MMACHC: variants seen among roughly 807,000 people sequenced by gnomAD.
MMACHC encodes metabolism of cobalamin associated C, also known as cyanocobalamin reductase / alkylcobalamin dealkylase.
In MMACHC, 14 loss-of-function variants were observed where a neutral mutation model predicts 17.6. The ratio of observed to expected loss-of-function variants is 0.80; its 90% confidence interval spans 0.53 to 1.25. The LOEUF is 1.25. Ranked by LOEUF, MMACHC falls within the 50% of genes most tolerant of loss-of-function variation. The pLI is 0.00. For missense variants in MMACHC, 392 were observed against 364.5 expected (o/e 1.08, Z -0.62); for synonymous variants, 151 against 142.1 (o/e 1.06, Z -0.45).
rs983519904 is a variant in MMACHC, at chr1:45,511,735, A to G, written c.*2520A>G. ...GGGAAAAAAAAGCTAAATAAACGAC[A>G]CACATAGGACTATGTAAACCCTTAA... On this transcript the variant is annotated 3_prime_UTR_variant, in exon 4 of 4. Coordinates refer to ENST00000401061, the MANE Select transcript of MMACHC (RefSeq NM_015506.3). The G allele has an allele frequency of 4.8e-6, 1 of 207,448 alleles. No individual in the cohort carries two copies. Among genetic ancestry groups the G allele is most frequent in the African/African-American group, 2.3e-5 (1 of 43,116 alleles). The allele number at this position is 207,448 out of a possible 1,614,324, so 12.9% of individuals were successfully genotyped here.
chr1:45,508,357 G>T lies in MMACHC; in HGVS notation c.422G>T (p.Gly141Val). 6.2e-7 allele frequency: 1 copy of T among 1,614,174 alleles called. No individual in the cohort carries two copies. The highest frequency in any genetic ancestry group is 8.5e-7 in the Non-Finnish European group (1 of 1,180,042). Reference protein sequence around the residue: ...QRQDVEADPWGNQRISGVCIH... With the variant: ...QRQDVEADPWVNQRISGVCIH... ...CAAGATGTGGAGGCTGACCCATGGG[G>T]GAACCAGGTGAGAGGGAAAATGTAA... Residue 141 changes from glycine (G) to valine (V), a missense_variant, in exon 3 of 4, where the codon GGG becomes GTG. Coordinates refer to ENST00000401061, the MANE Select transcript of MMACHC (RefSeq NM_015506.3).
At chr1:45,501,701 G>A (rs1005587567) in intron 1 of MMACHC, among the ~76,000 whole-genome samples, 8 of 152,124 alleles carry the variant, frequency 5.3e-5, no homozygotes, top group East Asian at 1.9e-4. Context: ...TTGAGACACC[G>A]TTTCAGTGGA....
intron 1 of MMACHC, among the ~76,000 whole-genome samples, chr1:45,502,183 C>G (rs957712588): frequency 2.6e-5 from 4 of 152,188 alleles, no homozygotes; most frequent in African/African-American, 9.7e-5. Flanking sequence ...CCTCTACAGA[C>G]CCTTCACTTC....
chr1:45,509,264 ATTGGCT>A lies in MMACHC; in HGVS notation c.*55_*60del. ...TTATGGTGGTACTTGCTAGGACTTA[ATTGGCT>A]TTGGCAAAGCAAAAGGTTTTGAGTA... On this transcript the variant is annotated 3_prime_UTR_variant, in exon 4 of 4. Coordinates refer to ENST00000401061, the MANE Select transcript of MMACHC (RefSeq NM_015506.3). 1 of 1,610,070 alleles carries A rather than the reference ATTGGCT, an allele frequency of 6.2e-7. No individual in the cohort carries two copies. Among genetic ancestry groups the A allele is most frequent in the Non-Finnish European group, 8.5e-7 (1 of 1,176,726 alleles).
intron 2 of MMACHC, among the ~76,000 whole-genome samples, chr1:45,507,957 G>A (rs1419650614): frequency 6.6e-6 from 1 of 152,146 alleles, no homozygotes; most frequent in Non-Finnish European, 1.5e-5. Flanking sequence ...ACATAACTAT[G>A]TACATACCCA....
At chr1:45,501,235 G>A (rs1335228616) in intron 1 of MMACHC, among the ~76,000 whole-genome samples, 1 of 152,144 alleles carries the variant, frequency 6.6e-6, no homozygotes, top group Non-Finnish European at 1.5e-5. Context: ...CACTTGCCTG[G>A]CACAGCAGTC....
chr1:45,509,319 T>C lies in MMACHC; in HGVS notation c.*104T>C, dbSNP rs1287861165. Reference sequence around the variant, plus strand: ...TACAAGATTACTATTTTTGATAATATAGTAGAGATCTTCCATGAAGATAAC... The same window carrying C: ...TACAAGATTACTATTTTTGATAATACAGTAGAGATCTTCCATGAAGATAAC... On this transcript the variant is annotated 3_prime_UTR_variant, in exon 4 of 4. Coordinates refer to ENST00000401061, the MANE Select transcript of MMACHC (RefSeq NM_015506.3). 8 of 1,347,956 alleles carry C rather than the reference T, an allele frequency of 5.9e-6. No homozygotes were observed. Among genetic ancestry groups the C allele is most frequent in the South Asian group, 2.4e-5 (2 of 82,420 alleles). The allele number at this position is 1,347,956 out of a possible 1,614,324, so 83.5% of individuals were successfully genotyped here.
At position 45,509,179 on chromosome 1, in the gene MMACHC, C is replaced by T. The variant is rs1311947307; in HGVS notation, c.813C>T (p.Ser271=). 20 of 1,614,048 alleles carry T rather than the reference C, an allele frequency of 1.2e-5. No individual in the cohort carries two copies. Among genetic ancestry groups the T allele is most frequent in the Non-Finnish European group, 1.7e-5 (20 of 1,180,006 alleles). ...CCAGCAGAGCCCGGAGCTGGCTCAG[C>T]CCCAGGGTCTCACCACCTGCATCCC... The part of the protein sequence containing the change: ...GNPSRARSWL[S]PRVSPPASPG... Residue 271 remains serine, a synonymous_variant, in exon 4 of 4, where the codon AGC becomes AGT. Coordinates refer to ENST00000401061, the MANE Select transcript of MMACHC (RefSeq NM_015506.3).
intron 1 of MMACHC, among the ~76,000 whole-genome samples, chr1:45,501,132 C>T (rs1245760354): frequency 6.6e-6 from 1 of 152,144 alleles, no homozygotes; most frequent in Non-Finnish European, 1.5e-5. Context: ...GATGAACAGG[C>T]AAACAATTGG....
Position 45,510,076 on chromosome 1 carries a change from C to G in MMACHC, c.*861C>G, listed in dbSNP as rs150301205. 1.9e-5 allele frequency: 2 copies of G among 103,650 alleles called. No homozygotes were observed. The highest frequency in any genetic ancestry group is 4.2e-5 in the Non-Finnish European group (2 of 47,110). The allele number at this position is 103,650 out of a possible 1,614,324, so 6.4% of individuals were successfully genotyped here. ...TGGGTGACAGTGTGAGACTCTGTCT[C>G]AAAAAAAAAAAAAAAAGTACCTACC... On this transcript the variant is annotated 3_prime_UTR_variant, in exon 4 of 4. Coordinates refer to ENST00000401061, the MANE Select transcript of MMACHC (RefSeq NM_015506.3).
In MMACHC at chr1:45,508,925, G is replaced by C; in HGVS notation, c.559G>C (p.Ala187Pro). 6.2e-7 allele frequency: 1 copy of C among 1,614,200 alleles called. No homozygotes were observed. Residue 187 changes from alanine (A) to proline (P), a missense_variant, in exon 4 of 4, where the codon GCT becomes CCT. Physicochemically the swap from Ala to Pro is conservative, Grantham distance 27 (BLOSUM62 -1). Coordinates refer to ENST00000401061, the MANE Select transcript of MMACHC (RefSeq NM_015506.3). ...RKPHDCVPTR[A>P]DRIALLEGFN... ...ACCTCATGACTGTGTACCTACAAGA[G>C]CTGACCGTATCGCCCTACTCGAAGG... is the stretch of plus-strand genomic sequence containing the variant.
intron 2 of MMACHC, 144 bp from the exon 3 acceptor site, chr1:45,508,068 A>G (rs975886766): frequency 4.0e-6 from 4 of 995,152 alleles, no homozygotes; most frequent in Non-Finnish European, 3.1e-6. Context: ...CTATGTCCAC[A>G]CTGGAGCCTC....
Position 45,512,801 on chromosome 1 carries a change from G to A in MMACHC, c.*3586G>A, listed in dbSNP as rs1247866061. 2 of 152,232 alleles carry A rather than the reference G, an allele frequency of 1.3e-5. No individual in the cohort carries two copies. The highest frequency in any genetic ancestry group is 2.4e-5 in the African/African-American group (1 of 41,418). The allele number at this position is 152,232 out of a possible 1,614,324, so 9.4% of individuals were successfully genotyped here. On this transcript the variant is annotated 3_prime_UTR_variant, in exon 4 of 4. Coordinates refer to ENST00000401061, the MANE Select transcript of MMACHC (RefSeq NM_015506.3). Reference sequence around the variant, plus strand: ...GGCAGTCTCAGCAGGTGTCAGCTGAGCCATGTGTCATCTGTCCAGGCTAAC... The same window carrying A: ...GGCAGTCTCAGCAGGTGTCAGCTGAACCATGTGTCATCTGTCCAGGCTAAC...
At position 45,512,260 on chromosome 1, in the gene MMACHC, G is replaced by A. The variant is rs781559215; in HGVS notation, c.*3045G>A. Reference sequence around the variant, plus strand: ...ACCACCACACCTGGCTAATTTTTGAGACAGTCTCACATTGTCGCCCAGGCT... The same window carrying A: ...ACCACCACACCTGGCTAATTTTTGAAACAGTCTCACATTGTCGCCCAGGCT... On this transcript the variant is annotated 3_prime_UTR_variant, in exon 4 of 4. Transcript: ENST00000401061. 1 of 150,178 alleles carries A rather than the reference G, an allele frequency of 6.7e-6. No homozygotes were observed. Among genetic ancestry groups the A allele is most frequent in the African/African-American group, 2.4e-5 (1 of 40,982 alleles). 9.3% of individuals were successfully genotyped at this position (150,178 alleles called of 1,614,324 possible).
At chr1:45,500,553 G>T (rs1306116833) in intron 1 of MMACHC, 140 bp downstream of exon 1, 1 of 840,720 alleles carries the variant, frequency 1.2e-6, no homozygotes, top group African/African-American at 1.7e-5. Flanking sequence ...GAGTTTCAGT[G>T]GGGGCTTGGG....
chr1:45,501,296 G>C lies in MMACHC; in HGVS notation c.81+883G>C, dbSNP rs149872051. Among the ~76,000 whole-genome samples the C allele has an allele frequency of 2.9e-4, 44 of 152,282 alleles. 1 individual carries two copies. In the Middle Eastern group the frequency reaches 0.034, roughly 118 times the overall value. On this transcript the variant is annotated intron_variant, in intron 1 of 3. Transcript: ENST00000401061. The stretch of plus-strand genomic sequence containing the variant: ...TACACGGTTACATTTCCCCACATCA[G>C]TGCCCTGTGCACTGAGCAGTTAAGT...
In MMACHC at chr1:45,507,414, C is replaced by A. The variant is rs200920274; in HGVS notation, c.140C>A (p.Thr47Asn). The change falls in exon 2 of 4, where the codon ACC (threonine) becomes AAC (asparagine). Residue 47 changes from threonine to asparagine, a missense_variant. By Grantham distance (65) the Thr-to-Asn change is moderately conservative. Transcript: ENST00000401061. ...PAFHLPLPGP[T>N]LAFLVLSTPA... is the part of the protein sequence containing the mutation. ...TTCCACCTACCGCTGCCAGGACCTA[C>A]CCTGGCCTTCCTGGTACTCAGCACG... 1.6e-4 allele frequency: 266 copies of A among 1,614,058 alleles called. No homozygotes were observed. The highest frequency in any genetic ancestry group is 2.2e-4 in the Non-Finnish European group (261 of 1,180,036).
Position 45,500,822 on chromosome 1 carries a change from C to T in MMACHC, c.81+409C>T, listed in dbSNP as rs1400225487. ...GAGGTTGCAGTGAGCCGAGATTGCGCCATTGCAGTCCAGCCTGAGCAACAA... is the reference window on the plus strand; with the variant it reads ...GAGGTTGCAGTGAGCCGAGATTGCGTCATTGCAGTCCAGCCTGAGCAACAA... On this transcript the variant is annotated intron_variant, in intron 1 of 3. Transcript: ENST00000401061. Among the ~76,000 whole-genome samples, 5 of 148,978 alleles carry T rather than the reference C, an allele frequency of 3.4e-5. No individual in the cohort carries two copies. The Admixed American group carries it at 3.4e-4, about 10-fold the overall frequency.
intron 1 of MMACHC, among the ~76,000 whole-genome samples, chr1:45,502,141 T>C (rs1643556420): frequency 6.6e-6 from 1 of 152,176 alleles, no homozygotes; most frequent in Non-Finnish European, 1.5e-5. Flanking sequence ...CTCACTCCTA[T>C]TGATCTCTCC....
Sources: gnomAD v4.1 joint callset for allele counts (sites outside exome capture counted in the v4.1 genomes callset) on GRCh38, gnomAD v4.1.1 for gene constraint, MANE v1.5 for transcripts, NCBI Gene and HGNC (gene_info 2026-07-23, HGNC 2026-07-21) for gene names.